COPA: variants seen among roughly 807,000 people sequenced by gnomAD.
COPA encodes the protein coat protein complex I subunit alpha, also known as coatomer subunit alpha.
Under a neutral mutation model 158.7 loss-of-function variants are expected in COPA, and 10 were observed. The observed-to-expected ratio is 0.06, with a 90% CI of 0.04 to 0.11. COPA has a LOEUF of 0.11. Ranked by LOEUF, COPA falls within the 10% of genes least tolerant of loss-of-function variation. The pLI, the probability that COPA is intolerant of heterozygous loss-of-function variation, is 1.00. For synonymous variants in COPA, 462 were observed against 542.8 expected (o/e 0.85, Z 2.07); for missense variants, 1,065 against 1,536.7 (o/e 0.69, Z 5.13).
intron 7 of COPA, 30 bp from the exon 8 acceptor site, chr1:160,323,560 T>C (rs1431658757): frequency 6.5e-7 from 1 of 1,548,832 alleles, no homozygotes; most frequent in African/African-American, 1.4e-5. Flanking sequence ...TTCTAAAACA[T>C]CTTTATAGTC....
chr1:160,310,429 G>A, intron 11 of COPA, 171 bp from the exon 12 acceptor site: 1 of 415,488 alleles, frequency 2.4e-6, no homozygotes. Flanking sequence ...TTAAGGCTTG[G>A]CAACTTCCCT....
chr1:160,324,116 C>T (rs1417871105), intron 7 of COPA, among the ~76,000 whole-genome samples: 1 of 152,118 alleles, frequency 6.6e-6, no homozygotes, highest in Non-Finnish European at 1.5e-5. Context: ...TTGCCTCGGC[C>T]TCCCACAGTG....
In COPA at chr1:160,305,483, C is replaced by T. The variant is rs1658752873; in HGVS notation, c.1617G>A (p.Gly539=). 6.2e-7 allele frequency: 1 copy of T among 1,613,940 alleles called. No individual in the cohort carries two copies. The highest frequency in any genetic ancestry group is 2.2e-5 in the East Asian group (1 of 44,884). ...GGTTGCTTGTGGTATAGATAAATAC[C>T]CCACTCTCATCCCAGGCCCCACTCT... The part of the protein sequence containing the change: ...RVKSGAWDES[G]VFIYTTSNHI... The change falls in exon 17 of 33, where the codon GGG becomes GGA. Residue 539 remains glycine (G), a synonymous_variant. Transcript: ENST00000241704.
intron 14 of COPA, among the ~76,000 whole-genome samples, 158 bp downstream of exon 14, chr1:160,307,005 G>A (rs555426762): frequency 6.6e-6 from 1 of 152,340 alleles, no homozygotes; most frequent in African/African-American, 2.4e-5. Context: ...ATTCCCCCAA[G>A]AGGGCTTAGT....
intron 19 of COPA, among the ~76,000 whole-genome samples, chr1:160,298,464 G>A (rs887193597): frequency 5.3e-4 from 81 of 152,114 alleles, no homozygotes; most frequent in Admixed American, 9.8e-4. Context: ...AGCTCTTTTC[G>A]CCTTAGAAAA....
Position 160,292,349 on chromosome 1 carries a change from A to G in COPA, c.2960+135T>C, listed in dbSNP as rs1222464616. 19 of 1,569,690 alleles carry G rather than the reference A, an allele frequency of 1.2e-5. No homozygotes were observed. The East Asian group carries it at 3.6e-4, about 30-fold the overall frequency. On this transcript the variant is annotated intron_variant, in intron 28 of 32. Transcript: ENST00000241704. ...GACAGCAGGTGTAAACCAACCCCAT[A>G]GAGTAACAAACCAAAGATCTTTTTC...
Position 160,307,253 on chromosome 1 carries a change from G to A in COPA, c.1220-8C>T, listed in dbSNP as rs777802012. 32 of 1,613,932 alleles carry A rather than the reference G, an allele frequency of 2.0e-5. No homozygotes were observed. Among genetic ancestry groups the A allele is most frequent in the Non-Finnish European group, 2.5e-5 (29 of 1,179,924 alleles). On this transcript the variant is annotated splice_region_variant and splice_polypyrimidine_tract_variant and intron_variant, in intron 13 of 32. Transcript: ENST00000241704. ...ATCGTTTCCCTTCAGGCGCTGAGAA[G>A]AACAAAACCAAAGGGTGGGAGCATG... is the stretch of plus-strand genomic sequence containing the variant.
At chr1:160,317,687 G>A (rs781554082) in intron 8 of COPA, 6 of 1,487,360 alleles carry the variant, frequency 4.0e-6, no homozygotes, top group East Asian at 2.3e-5. Context: ...GAACAAATGG[G>A]GGGTCATTCA....
In COPA at chr1:160,292,525, C is replaced by G. The variant is rs1658274956; in HGVS notation, c.2919G>C (p.Leu973=). The change falls in exon 28 of 33, where the codon CTG becomes CTC. Residue 973 remains leucine, a synonymous_variant. Coordinates refer to ENST00000241704, the MANE Select transcript of COPA (RefSeq NM_004371.4). ...YARGRTTYQA[L]PCLPSMYGYP... ...AGCCATACATGGAGGGTAGGCAGGG[C>G]AGAGCCTGATAGGTTGTGCGGCCTC... is the stretch of plus-strand genomic sequence containing the variant. 2 of 1,613,768 alleles carry G rather than the reference C, an allele frequency of 1.2e-6. No individual in the cohort carries two copies. The highest frequency in any genetic ancestry group is 1.7e-6 in the Non-Finnish European group (2 of 1,179,944).
In COPA at chr1:160,339,219, T is replaced by A. The variant is rs1000205815; in HGVS notation, c.228+690A>T. 5.3e-4 allele frequency among the ~76,000 whole-genome samples: 70 copies of A among 132,064 alleles called. 1 individual carries two copies. In the Middle Eastern group the frequency reaches 0.015, roughly 28 times the overall value. 86.6% of individuals were successfully genotyped at this position (132,064 alleles called of 152,430 possible). ...TGATTCATTTCCTTAAATTCTCACA[T>A]CCATCTCCTTCTCTCCATTTCAAAT... On this transcript the variant is annotated intron_variant, in intron 3 of 32. Transcript: ENST00000241704.
chr1:160,301,556 T>G (rs887772968), intron 17 of COPA, among the ~76,000 whole-genome samples: 1 of 152,100 alleles, frequency 6.6e-6, no homozygotes, highest in African/African-American at 2.4e-5. Context: ...GCCGACTGCT[T>G]GAGCCCAGGA....
At chr1:160,310,302 A>G in intron 11 of COPA, 44 bp from the exon 12 acceptor site, 2 of 1,283,570 alleles carry the variant, frequency 1.6e-6, no homozygotes, top group Non-Finnish European at 2.2e-6. Context: ...GAAGAGGCAT[A>G]AGAATAGAAG....
chr1:160,303,205 G>GCAA (rs556977757), intron 17 of COPA, among the ~76,000 whole-genome samples: 4,464 of 151,954 alleles, frequency 0.029, 217 homozygotes, highest in African/African-American at 0.1. Context: ...TCTCAAAACA[G>GCAA]CAACAACAAC....
rs1214197748 is a variant in COPA at position 160,295,839 on chromosome 1, A to C, written c.2373T>G (p.Asn791Lys). Residue 791 changes from asparagine (N) to lysine (K), a missense_variant, in exon 23 of 33, where the codon AAT (asparagine) becomes AAG (lysine). Physicochemically the swap from Asn to Lys is moderately conservative, Grantham distance 94 (BLOSUM62 0). Around this residue, in one of 2 missense-constraint regions of COPA, gnomAD observed 980 missense variants for 1,357.8 expected, o/e 0.72. Coordinates refer to ENST00000241704, the MANE Select transcript of COPA (RefSeq NM_004371.4). ...GTGCAGGTGGCTGGAGCAGCTTGGC[A>C]TTAGGGTCAATGTCTGGGATCTGAA... The part of the protein sequence containing the change: ...EKETIPDIDP[N>K]AKLLQPPAPI... 3 of 1,611,518 alleles carry C rather than the reference A, an allele frequency of 1.9e-6. No individual in the cohort carries two copies. In the Admixed American group the frequency reaches 5.1e-5, roughly 27 times the overall value.
intron 4 of COPA, among the ~76,000 whole-genome samples, chr1:160,334,553 A>G (rs73029423): frequency 0.025 from 3,829 of 152,334 alleles, 167 homozygotes; most frequent in African/African-American, 0.088. Flanking sequence ...TTAAAAAAAG[A>G]AATAATATAT....
At chr1:160,337,641 C>T (rs974337778) in intron 3 of COPA, among the ~76,000 whole-genome samples, 1 of 152,036 alleles carries the variant, frequency 6.6e-6, no homozygotes, top group Non-Finnish European at 1.5e-5. Context: ...ACCACTTGAA[C>T]CCGGGAGGTG....
intron 6 of COPA, among the ~76,000 whole-genome samples, chr1:160,329,675 C>G (rs1255647447): frequency 6.6e-6 from 1 of 152,174 alleles, no homozygotes; most frequent in Non-Finnish European, 1.5e-5. Flanking sequence ...CGAAAGGCAT[C>G]AGTTTAGGTA....
At chr1:160,306,241 C>G (rs903539520) in intron 15 of COPA, 113 bp downstream of exon 15, 4 of 1,255,968 alleles carry the variant, frequency 3.2e-6, no homozygotes, top group African/African-American at 1.5e-5. Context: ...TCTTGGAGCA[C>G]AAGAAGTGGC....
At chr1:160,305,859 A>G in intron 15 of COPA, 86 bp from the exon 16 acceptor site, 1 of 1,027,268 alleles carries the variant, frequency 9.7e-7, no homozygotes. Flanking sequence ...CCCTCTAATT[A>G]ATGTAAACCC....
Sources: gnomAD v4.1 joint callset for allele counts (sites outside exome capture counted in the v4.1 genomes callset) on GRCh38, gnomAD v4.1.1 for gene constraint, gnomAD v4.1.1 regional missense constraint, MANE v1.5 for transcripts, NCBI Gene and HGNC (gene_info 2026-07-23, HGNC 2026-07-21) for gene names.